Variants in TTC17 observed in about 807,000 individuals in gnomAD.
TTC17 encodes tetratricopeptide repeat protein 17.
TTC17 carries 58 observed loss-of-function variants against 143.8 expected under a neutral mutation model. That is an observed-to-expected ratio of 0.40 (90% CI 0.33 to 0.50). TTC17 has a LOEUF of 0.50. Among genes scored for constraint, TTC17 ranks in the 20% least tolerant of loss-of-function variants. The pLI, the probability that TTC17 is intolerant of heterozygous loss-of-function variation, is 0.49. For missense variants in TTC17, 1,273 were observed against 1,392.5 expected (o/e 0.91, Z 1.37); for synonymous variants, 501 against 497.8 (o/e 1.01, Z -0.09).
intron 16 of TTC17, among the ~76,000 whole-genome samples, chr11:43,416,025 T>C (rs1452583547): frequency 6.6e-6 from 1 of 152,188 alleles, no homozygotes; most frequent in East Asian, 1.9e-4. Flanking sequence ...TACATAATAG[T>C]TGCATTGTTC....
chr11:43,483,214 C>A (rs1948320667), intron 21 of TTC17, among the ~76,000 whole-genome samples: 1 of 151,956 alleles, frequency 6.6e-6, no homozygotes, highest in Non-Finnish European at 1.5e-5. Flanking sequence ...ACAAAGATTA[C>A]AACAAGGTCT....
At chr11:43,490,463 G>A (rs536005240) in intron 22 of TTC17, 105 bp downstream of exon 22, 1 of 1,452,890 alleles carries the variant, frequency 6.9e-7, no homozygotes, top group African/African-American at 1.4e-5. Flanking sequence ...AGCCAGTGAG[G>A]ACATATTCCA....
intron 7 of TTC17, 67 bp downstream of exon 7, chr11:43,397,558 C>G (rs574285721): frequency 2.2e-6 from 3 of 1,340,710 alleles, no homozygotes; most frequent in East Asian, 4.7e-5. Flanking sequence ...TTTTTTCTCC[C>G]CCCTCAGTAG....
At position 43,448,122 on chromosome 11, in the gene TTC17, A is replaced by G; in HGVS notation, c.2786A>G (p.Asp929Gly). 2 of 1,614,000 alleles carry G rather than the reference A, an allele frequency of 1.2e-6. No individual in the cohort carries two copies. Among genetic ancestry groups the G allele is most frequent in the Non-Finnish European group, 1.7e-6 (2 of 1,179,936 alleles). ...CTTGCAGTTTCTTCAAAAAACATTGAGTAAGTATGTTAAGCCTCTCCCTCC... is the reference window on the plus strand; with the variant it reads ...CTTGCAGTTTCTTCAAAAAACATTGGGTAAGTATGTTAAGCCTCTCCCTCC... ...TWLAVSSKNIDITEHIDFATP... is the reference protein window; with the variant it reads ...TWLAVSSKNIGITEHIDFATP... Residue 929 changes from aspartate (D) to glycine (G), a missense_variant and splice_region_variant, in exon 19 of 24, where the codon GAC becomes GGC. By Grantham distance (94) the Asp-to-Gly change is moderately conservative. Transcript: ENST00000039989.
At chr11:43,450,879 A>G (rs946171791) in intron 20 of TTC17, among the ~76,000 whole-genome samples, 9 of 152,174 alleles carry the variant, frequency 5.9e-5, no homozygotes, top group Admixed American at 6.5e-5. Context: ...ATACCTCTCT[A>G]TATGTCTTTA....
chr11:43,480,248 A>G (rs1948261123), intron 21 of TTC17, among the ~76,000 whole-genome samples: 1 of 152,196 alleles, frequency 6.6e-6, no homozygotes, highest in Non-Finnish European at 1.5e-5. Context: ...TTTACTTTTT[A>G]AATGGTTGGG....
chr11:43,390,849 AAAATGTAG>A (rs1819208181), intron 3 of TTC17, among the ~76,000 whole-genome samples: 1 of 152,154 alleles, frequency 6.6e-6, no homozygotes, highest in African/African-American at 2.4e-5. Flanking sequence ...GTAACTGGTA[AAAATGTAG>A]AGAGACTGTC....
At chr11:43,406,342 A>G (rs1207925287) in intron 13 of TTC17, among the ~76,000 whole-genome samples, 1 of 152,146 alleles carries the variant, frequency 6.6e-6, no homozygotes, top group African/African-American at 2.4e-5. Flanking sequence ...CTCTGGCCTT[A>G]TCAACCCTGC....
chr11:43,441,375 A>G (rs1471405727), intron 16 of TTC17, among the ~76,000 whole-genome samples: 2 of 151,916 alleles, frequency 1.3e-5, no homozygotes, highest in Non-Finnish European at 2.9e-5. Flanking sequence ...TCTAAGAAGC[A>G]TTTTGTGATT....
chr11:43,483,383 A>T (rs72902709), intron 21 of TTC17, among the ~76,000 whole-genome samples: 14,034 of 152,026 alleles, frequency 0.092, 799 homozygotes, highest in Middle Eastern at 0.16. Flanking sequence ...AAAGAAAAAT[A>T]ATATATATTT....
intron 21 of TTC17, among the ~76,000 whole-genome samples, chr11:43,471,170 A>G (rs762167316): frequency 2.6e-5 from 4 of 152,210 alleles, no homozygotes; most frequent in Non-Finnish European, 4.4e-5. Context: ...CGGTGGCCCT[A>G]GACTTGCATC....
intron 1 of TTC17, among the ~76,000 whole-genome samples, chr11:43,362,505 A>G (rs554134559): frequency 1.3e-5 from 2 of 152,326 alleles, no homozygotes; most frequent in South Asian, 4.1e-4. Flanking sequence ...GGGGTTAAGT[A>G]AGAGCAAGGA....
chr11:43,407,583 G>A lies in TTC17; in HGVS notation c.2064+6G>A. 6.2e-7 allele frequency: 1 copy of A among 1,612,758 alleles called. No individual in the cohort carries two copies. The highest frequency in any genetic ancestry group is 2.2e-5 in the East Asian group (1 of 44,830). On this transcript the variant is annotated splice_donor_region_variant and intron_variant, in intron 15 of 23. Transcript: ENST00000039989. The stretch of plus-strand genomic sequence containing the variant: ...TGGCCATCAATAGCTCTGAGGTGAG[G>A]TTTTAAGGGATTTCATAGTTCCGTA...
chr11:43,382,173 T>C (rs1856995554), intron 2 of TTC17, among the ~76,000 whole-genome samples: 1 of 152,234 alleles, frequency 6.6e-6, no homozygotes, highest in Admixed American at 6.5e-5. Context: ...TGAAATTTTA[T>C]ATTCTTTTAA....
chr11:43,430,700 T>TACACGCACAC (rs1947134011), intron 16 of TTC17, among the ~76,000 whole-genome samples: 1 of 69,858 alleles, frequency 1.4e-5, no homozygotes, highest in Admixed American at 1.5e-4. Context: ...CAGCATCCCC[T>TACACGCACAC]ACATACACGC....
At position 43,490,366 on chromosome 11, in the gene TTC17, G is replaced by A; in HGVS notation, c.3150+8G>A. ...GCGCCACACCAGATGAAGGTGAGTGGGACTCAGAAGGTGGGAACTTCTGCC... is the reference window on the plus strand; with the variant it reads ...GCGCCACACCAGATGAAGGTGAGTGAGACTCAGAAGGTGGGAACTTCTGCC... On this transcript the variant is annotated splice_region_variant and intron_variant, in intron 22 of 23. Transcript: ENST00000039989. 1 of 1,589,332 alleles carries A rather than the reference G, an allele frequency of 6.3e-7. No homozygotes were observed. Among genetic ancestry groups the A allele is most frequent in the East Asian group, 2.3e-5 (1 of 44,246 alleles).
chr11:43,471,856 C>A (rs1452461211), intron 21 of TTC17, among the ~76,000 whole-genome samples: 2 of 151,932 alleles, frequency 1.3e-5, no homozygotes, highest in African/African-American at 4.8e-5. Flanking sequence ...TAAAAAGAGA[C>A]AAAGGAGGAC....
intron 21 of TTC17, among the ~76,000 whole-genome samples, chr11:43,462,974 G>GACAC (rs1947899509): frequency 1.5e-5 from 2 of 137,564 alleles, no homozygotes; most frequent in South Asian, 4.3e-4. Context: ...GAAGTGCAGT[G>GACAC]GTGCTATCTT....
At chr11:43,396,958 A>AC in intron 6 of TTC17, 140 bp downstream of exon 6, 2 of 149,408 alleles carry the variant, frequency 1.3e-5, no homozygotes. Context: ...GTCCCACCAC[A>AC]AAAAAAAAAA....
Sources: allele counts gnomAD v4.1 joint callset (sites outside exome capture counted in the v4.1 genomes callset), GRCh38; gene constraint gnomAD v4.1.1; transcripts MANE v1.5; gene names NCBI Gene and HGNC (gene_info 2026-07-23, HGNC 2026-07-21).